The following CDCP1 variants were observed in gnomAD, a reference collection of about 807,000 sequenced individuals.
The protein encoded by CDCP1 is CUB domain containing protein 1.
Under a neutral mutation model 60.2 loss-of-function variants are expected in CDCP1, and 29 were observed. That is an observed-to-expected ratio of 0.48 (90% CI 0.36 to 0.66). CDCP1 has a LOEUF of 0.66. CDCP1 is among the 30% of genes least tolerant of loss of function. CDCP1 has a pLI of 0.00. For missense variants in CDCP1, 876 were observed against 1,074.3 expected, an observed-to-expected ratio of 0.82 and a Z score of 2.58; for synonymous variants, 387 against 431.1, an observed-to-expected ratio of 0.90 and a Z score of 1.27.
chr3:45,093,767 C>G (rs1698346413), intron 5 of CDCP1, 110 bp from the exon 6 acceptor site: 1 of 1,284,218 alleles, frequency 7.8e-7, no homozygotes, highest in South Asian at 1.4e-5. Context: ...CTGTGTTTCC[C>G]TTCGGTCTCT....
chr3:45,146,119 G>C (rs868489216), intron 1 of CDCP1, 87 bp downstream of exon 1: 21 of 1,106,632 alleles, frequency 1.9e-5, no homozygotes, highest in Admixed American at 2.5e-5. Context: ...TCCGCACCCT[G>C]CGTCCCTCGG....
At chr3:45,120,541 C>T (rs575239343) in intron 1 of CDCP1, among the ~76,000 whole-genome samples, 17 of 152,264 alleles carry the variant, frequency 1.1e-4, no homozygotes, top group African/African-American at 3.9e-4. Flanking sequence ...AAGTAGGAAG[C>T]GACTTTGTAA....
intron 1 of CDCP1, among the ~76,000 whole-genome samples, chr3:45,140,669 G>T (rs1007067532): frequency 6.6e-6 from 1 of 152,150 alleles, no homozygotes; most frequent in Non-Finnish European, 1.5e-5. Context: ...TGAGGACGGA[G>T]AATTAAATGA....
rs1177164999 is a variant in CDCP1 at position 45,089,065 on chromosome 3, A to G, written c.2070T>C (p.Cys690=). The G allele has an allele frequency of 6.2e-7, 1 of 1,613,982 alleles. No individual in the cohort carries two copies. Among genetic ancestry groups the G allele is most frequent in the South Asian group, 1.1e-5 (1 of 91,062 alleles). Reference sequence around the variant, plus strand: ...GAGATTCCACCTACTTCTTTTTCACACAGCAAATGATGAGCCCGAGGGCAG... The same window carrying G: ...GAGATTCCACCTACTTCTTTTTCACGCAGCAAATGATGAGCCCGAGGGCAG... ...LLSALGLIIC[C]VKKKKKKTNK... The change falls in exon 8 of 9, where the codon TGT becomes TGC. Residue 690 remains cysteine, a synonymous_variant. Transcript: ENST00000296129.
chr3:45,142,627 C>T (rs1699310099), intron 1 of CDCP1, among the ~76,000 whole-genome samples: 1 of 152,218 alleles, frequency 6.6e-6, no homozygotes, highest in East Asian at 1.9e-4. Flanking sequence ...TGGAAAGACG[C>T]ATCCAAAGCC....
intron 8 of CDCP1, among the ~76,000 whole-genome samples, chr3:45,086,608 G>C (rs966895012): frequency 6.6e-5 from 10 of 152,238 alleles, no homozygotes; most frequent in African/African-American, 2.2e-4. Flanking sequence ...TTTTCAGTAT[G>C]AGCTGGGGAG....
At position 45,091,051 on chromosome 3, in the gene CDCP1, G is replaced by T; in HGVS notation, c.1993+122C>A. ...ACTCAGCACTATTGATGCAATAGCT[G>T]ACTGATACATGGACAGTCAGGACTC... On this transcript the variant is annotated intron_variant, in intron 7 of 8. Transcript: ENST00000296129. This position sits in a 1 kb window ranked among gnomAD's most constrained non-coding sequence, Gnocchi z 4.8. The T allele has an allele frequency of 1.8e-6, 2 of 1,089,236 alleles. No individual in the cohort carries two copies. The highest frequency in any genetic ancestry group is 2.6e-6 in the Non-Finnish European group (2 of 760,908). The allele number at this position is 1,089,236 out of a possible 1,614,324, so 67.5% of individuals were successfully genotyped here.
chr3:45,118,529 C>G lies in CDCP1; in HGVS notation c.175G>C (p.Val59Leu). Reference sequence around the variant, plus strand: ...ATGGTTATATGTCTTTTAGAAATGACGATGTAACAGGGTTTTGCCAGCAGA... The same window carrying G: ...ATGGTTATATGTCTTTTAGAAATGAGGATGTAACAGGGTTTTGCCAGCAGA... The part of the protein sequence containing the change: ...PTLLAKPCYI[V>L]ISKRHITMLS... Residue 59 changes from valine (V) to leucine (L), a missense_variant, in exon 2 of 9, where the codon GTC (valine) becomes CTC (leucine). Coordinates refer to ENST00000296129, the MANE Select transcript of CDCP1 (RefSeq NM_022842.5). 6.2e-7 allele frequency: 1 copy of G among 1,614,016 alleles called. No homozygotes were observed. The highest frequency in any genetic ancestry group is 8.5e-7 in the Non-Finnish European group (1 of 1,179,952).
intron 1 of CDCP1, among the ~76,000 whole-genome samples, chr3:45,129,421 G>C (rs1413743561): frequency 6.6e-6 from 1 of 152,130 alleles, no homozygotes; most frequent in East Asian, 1.9e-4. Flanking sequence ...TTGAACACGG[G>C]AATTGCAGAA....
intron 5 of CDCP1, among the ~76,000 whole-genome samples, chr3:45,094,545 G>A (rs1698362612): frequency 6.6e-6 from 1 of 152,148 alleles, no homozygotes; most frequent in Non-Finnish European, 1.5e-5. Flanking sequence ...ACAGGCATGA[G>A]CCACTGTGCC....
At chr3:45,120,189 A>C (rs1186389384) in intron 1 of CDCP1, among the ~76,000 whole-genome samples, 2 of 152,196 alleles carry the variant, frequency 1.3e-5, no homozygotes, top group Non-Finnish European at 2.9e-5. Flanking sequence ...GCCAGCTGCC[A>C]TGAGTGAGCA....
chr3:45,126,192 CTCTT>C (rs71092351), intron 1 of CDCP1, among the ~76,000 whole-genome samples: 2 of 36,690 alleles, frequency 5.5e-5, no homozygotes. Context: ...CTCTCTCTCT[CTCTT>C]TCTTTCTTTC....
At chr3:45,101,418 T>A (rs1698483396) in intron 4 of CDCP1, among the ~76,000 whole-genome samples, 1 of 152,216 alleles carries the variant, frequency 6.6e-6, no homozygotes, top group Admixed American at 6.5e-5. Flanking sequence ...TGGACCCAAC[T>A]GCCTCTCCTC....
chr3:45,124,350 T>A (rs138413372), intron 1 of CDCP1, among the ~76,000 whole-genome samples: 32 of 152,284 alleles, frequency 2.1e-4, no homozygotes, highest in Middle Eastern at 3.4e-3. Context: ...TTGGAACAAG[T>A]TGCCTCAATT....
At chr3:45,090,108 G>A (rs11928003) in intron 7 of CDCP1, among the ~76,000 whole-genome samples, 50,898 of 152,062 alleles carry the variant, frequency 0.33, 8,913 homozygotes, top group Middle Eastern at 0.47. Flanking sequence ...CTATGAGTGT[G>A]GAGAGGTTTT....
At position 45,130,416 on chromosome 3, in the gene CDCP1, G is replaced by A. The variant is rs140952527; in HGVS notation, c.83-11795C>T. On this transcript the variant is annotated intron_variant, in intron 1 of 8. Transcript: ENST00000296129. ...GATTACAGGCTTGAGGCTGTGTCCA[G>A]CCACAATAAAACAATTCTTAAAACT... is the stretch of plus-strand genomic sequence containing the variant. Among the ~76,000 whole-genome samples the A allele has an allele frequency of 4.9e-3, 753 of 152,214 alleles. 4 individuals are homozygous for A. The highest frequency in any genetic ancestry group is 8.1e-3 in the Non-Finnish European group (553 of 68,016).
At chr3:45,108,953 A>ATATATATATATTTTTTTT (rs1401302861) in intron 4 of CDCP1, among the ~76,000 whole-genome samples, 1 of 41,134 alleles carries the variant, frequency 2.4e-5, no homozygotes, top group Non-Finnish European at 4.7e-5. Flanking sequence ...ATATATATAT[A>ATATATATATATTTTTTTT]TTTTTTTTTT....
At chr3:45,141,397 T>C (rs372281959) in intron 1 of CDCP1, among the ~76,000 whole-genome samples, 1 of 152,240 alleles carries the variant, frequency 6.6e-6, no homozygotes, top group African/African-American at 2.4e-5. Flanking sequence ...TATCTTCCTG[T>C]TTTTCATCAC....
At chr3:45,145,187 T>C (rs55775016) in intron 1 of CDCP1, among the ~76,000 whole-genome samples, 14,574 of 152,082 alleles carry the variant, frequency 0.096, 918 homozygotes, top group East Asian at 0.31. Flanking sequence ...AAATTCAACC[T>C]CACTTGCGTC....
Sources: allele counts gnomAD v4.1 joint callset (sites outside exome capture counted in the v4.1 genomes callset), GRCh38; gene constraint gnomAD v4.1.1; non-coding constraint Gnocchi (gnomAD v3.1); transcripts MANE v1.5; gene names NCBI Gene and HGNC (gene_info 2026-07-23, HGNC 2026-07-21).